The following FLII variants were observed in gnomAD, a reference collection of about 807,000 sequenced individuals.
FLII encodes FLII actin remodeling protein.
In FLII, 101 loss-of-function variants were observed where a neutral mutation model predicts 156.2. That is an observed-to-expected ratio of 0.65 (90% CI 0.55 to 0.76). The LOEUF (loss-of-function observed/expected upper bound fraction) is 0.76, where lower values mean the gene tolerates loss of function less well. Ranked by LOEUF, FLII falls within the 30% of genes least tolerant of loss-of-function variation. The pLI, the probability that FLII is intolerant of heterozygous loss-of-function variation, is 0.00. For missense variants in FLII, 1,675 were observed against 1,682.8 expected (o/e 1.00, Z 0.08); for synonymous variants, 767 against 685.8 (o/e 1.12, Z -1.85).
chr17:18,248,414 C>G, intron 18 of FLII, 136 bp downstream of exon 18: 1 of 764,134 alleles, frequency 1.3e-6, no homozygotes, highest in Admixed American at 2.9e-5. Flanking sequence ...CATACTGTTC[C>G]TTGTCCAGAA....
At chr17:18,246,494 C>T in intron 23 of FLII, 32 bp from the exon 24 acceptor site, 2 of 1,613,144 alleles carry the variant, frequency 1.2e-6, no homozygotes, top group Non-Finnish European at 1.7e-6. Context: ...GGGCAGCTCC[C>T]TGGACCCCCA....
rs1321501329 is a variant in FLII, at chr17:18,247,272, C to A, written c.2573G>T (p.Gly858Val). ...RNAEAVLQSPGLSGKVKRDAE... is the reference protein window; with the variant it reads ...RNAEAVLQSPVLSGKVKRDAE... ...GTCGCGTTTCACCTTCCCGGAGAGACCCGGGCTCTGCAGCACGGCCTCCGC... is the reference window on the plus strand; with the variant it reads ...GTCGCGTTTCACCTTCCCGGAGAGAACCGGGCTCTGCAGCACGGCCTCCGC... Residue 858 changes from glycine to valine, a missense_variant, in exon 21 of 30, where the codon GGT (glycine) becomes GTT (valine). Gly to Val is a moderately radical substitution (Grantham distance 109). This residue lies in a region of FLII where 1,332 missense variants were observed against 1,269.3 expected (regional missense o/e 1.05). Transcript: ENST00000327031. The A allele has an allele frequency of 1.9e-6, 3 of 1,612,476 alleles. No individual in the cohort carries two copies. Among genetic ancestry groups the A allele is most frequent in the Non-Finnish European group, 2.5e-6 (3 of 1,179,722 alleles).
intron 14 of FLII, among the ~76,000 whole-genome samples, chr17:18,250,492 G>C (rs561046362): frequency 6.6e-6 from 1 of 152,192 alleles, no homozygotes; most frequent in South Asian, 2.1e-4. Context: ...ACAGGTTTTG[G>C]CCCTGCCTTC....
At chr17:18,253,227 A>G (rs2071241) in intron 9 of FLII, 74 bp downstream of exon 9, 1,083,729 of 1,492,506 alleles carry the variant, frequency 0.73, 396,979 homozygotes, top group African/African-American at 0.89. Flanking sequence ...ACAGACCACA[A>G]GGTGGGCTCT....
chr17:18,252,290 G>T, intron 10 of FLII, 144 bp from the exon 11 acceptor site: 1 of 922,132 alleles, frequency 1.1e-6, no homozygotes. Context: ...TCTGGGGCTG[G>T]CTGGGGGCTT....
chr17:18,246,723 C>G lies in FLII; in HGVS notation c.2922G>C (p.Lys974Asn), dbSNP rs1469468762. ...GEEATAEAEE[K>N]QPEEDFQCIV... ...TGCACTGGAAGTCCTCCTCTGGCTG[C>G]TTCTCCTCTGCCTCAGCGGTTGCTT... The change falls in exon 23 of 30, where the codon AAG (lysine) becomes AAC (asparagine). Residue 974 changes from lysine (K) to asparagine (N), a missense_variant. Coordinates refer to ENST00000327031, the MANE Select transcript of FLII (RefSeq NM_002018.4). 1.2e-6 allele frequency: 2 copies of G among 1,613,352 alleles called. No individual in the cohort carries two copies. The highest frequency in any genetic ancestry group is 3.3e-5 in the Admixed American group (2 of 59,872).
rs369107173 is a variant in FLII, at chr17:18,254,048, G to A, written c.679+31C>T. ...AAGCAAGAGGGCCCAGAGGGGGCCC[G>A]AGCTCAGAGGGGCTCCTGGGGCTGC... On this transcript the variant is annotated intron_variant, in intron 7 of 29. Coordinates refer to ENST00000327031, the MANE Select transcript of FLII (RefSeq NM_002018.4). The A allele has an allele frequency of 1.7e-4, 270 of 1,558,844 alleles. 1 individual carries two copies. In the African/African-American group the frequency reaches 2.6e-3, roughly 15 times the overall value.
Position 18,251,455 on chromosome 17 carries a change from G to C in FLII, c.1406C>G (p.Pro469Arg), listed in dbSNP as rs770652454. Reference protein sequence around the residue: ...KQEESADARAPSGKVRRWDQG... With the variant: ...KQEESADARARSGKVRRWDQG... Reference sequence around the variant, plus strand: ...GTCCCAACGCCGCACCTTCCCGCTGGGGGCCCGGGCATCTGCGCTCTCCTG... The same window carrying C: ...GTCCCAACGCCGCACCTTCCCGCTGCGGGCCCGGGCATCTGCGCTCTCCTG... Residue 469 changes from proline to arginine, a missense_variant, in exon 13 of 30, where the codon CCC becomes CGC. Coordinates refer to ENST00000327031, the MANE Select transcript of FLII (RefSeq NM_002018.4). 21 of 1,608,222 alleles carry C rather than the reference G, an allele frequency of 1.3e-5. No homozygotes were observed. In the South Asian group the frequency reaches 2.1e-4, roughly 16 times the overall value.
At chr17:18,254,030 A>T (rs2048345513) in intron 7 of FLII, 49 bp downstream of exon 7, 1 of 1,407,402 alleles carries the variant, frequency 7.1e-7, no homozygotes, top group African/African-American at 1.4e-5. Flanking sequence ...AGGAAGCAAG[A>T]GGGCCCAGAG....
Position 18,251,589 on chromosome 17 carries a change from C to G in FLII, c.1383+91G>C, listed in dbSNP as rs78373492. 3 of 1,587,128 alleles carry G rather than the reference C, an allele frequency of 1.9e-6. No individual in the cohort carries two copies. In the African/African-American group the frequency reaches 4.0e-5, roughly 21 times the overall value. ...CACAGCTGTTCTTTCTGCCCAGCAC[C>G]CCCCGTCCCTCTTGGCCAGGGTCAA... is the stretch of plus-strand genomic sequence containing the variant. On this transcript the variant is annotated intron_variant, in intron 12 of 29. Transcript: ENST00000327031.
intron 23 of FLII, 41 bp downstream of exon 23, chr17:18,246,553 C>T: frequency 6.2e-7 from 1 of 1,612,432 alleles, no homozygotes; most frequent in South Asian, 1.1e-5. Context: ...CCCACCACAC[C>T]CCTCCGCCTG....
chr17:18,253,331 T>C lies in FLII; in HGVS notation c.983A>G (p.Asn328Ser), dbSNP rs571506611. ...NLEEFMAANN[N>S]LELVPESLCR... ...GAGACTTTCAGGGACCAGCTCCAGG[T>C]TGTTGTTGGCAGCCATGAACTCTTC... Residue 328 changes from asparagine to serine, a missense_variant, in exon 9 of 30, where the codon AAC becomes AGC. This residue lies in a region of FLII where 1,332 missense variants were observed against 1,269.3 expected (regional missense o/e 1.05). Transcript: ENST00000327031. The C allele has an allele frequency of 1.3e-4, 217 of 1,613,846 alleles. 1 individual carries two copies. In the South Asian group the frequency reaches 2.3e-3, roughly 17 times the overall value.
At chr17:18,253,185 GA>G (rs1017419401) in intron 9 of FLII, 115 bp downstream of exon 9, 2 of 1,023,288 alleles carry the variant, frequency 2.0e-6, no homozygotes, top group African/African-American at 3.3e-5. Context: ...AAGAAAAGGT[GA>G]ATTAACCCAT....
intron 25 of FLII, 40 bp from the exon 26 acceptor site, chr17:18,246,102 C>T (rs368808829): frequency 1.2e-6 from 2 of 1,614,140 alleles, no homozygotes; most frequent in Non-Finnish European, 1.7e-6. Context: ...GCAGCTGACT[C>T]AGCCCCCAAA....
intron 21 of FLII, 46 bp downstream of exon 21, chr17:18,247,123 G>GGGGCCCCC: frequency 8.0e-7 from 1 of 1,249,070 alleles, no homozygotes; most frequent in Non-Finnish European, 1.0e-6. Flanking sequence ...CCCTCGGCCT[G>GGGGCCCCC]CCCCCCACCC....
chr17:18,254,671 A>G lies in FLII; in HGVS notation c.425T>C (p.Ile142Thr). ...LNLSHNSIDT[I>T]PNQLFINLTD... ...GAGGTTGATGAAGAGCTGGTTGGGG[A>G]TGGTGTCGATGCTACGGGTGGGGAG... is the stretch of plus-strand genomic sequence containing the variant. Residue 142 changes from isoleucine to threonine, a missense_variant, in exon 6 of 30, where the codon ATC becomes ACC. By Grantham distance (89) the Ile-to-Thr change is moderately conservative. Around this residue, in one of 2 missense-constraint regions of FLII, gnomAD observed 343 missense variants for 413.5 expected, o/e 0.83. Transcript: ENST00000327031. 6.2e-7 allele frequency: 1 copy of G among 1,613,732 alleles called. No homozygotes were observed. The highest frequency in any genetic ancestry group is 8.5e-7 in the Non-Finnish European group (1 of 1,179,822).
rs1412789863 is a variant in FLII at position 18,246,922 on chromosome 17, A to G, written c.2807T>C (p.Phe936Ser). The G allele has an allele frequency of 5.0e-6, 8 of 1,613,988 alleles. No individual in the cohort carries two copies. In the South Asian group the frequency reaches 8.8e-5, roughly 18 times the overall value. The change falls in exon 22 of 30, where the codon TTC becomes TCC. Residue 936 changes from phenylalanine to serine, a missense_variant. Physicochemically the swap from Phe to Ser is radical, Grantham distance 155 (BLOSUM62 -2). Coordinates refer to ENST00000327031, the MANE Select transcript of FLII (RefSeq NM_002018.4). ...GHFYTQDCYV[F>S]LCRYWVPVEY... ...AGTGCTGAGGTGGTACCTGCAGAGGAAGACGTAGCAGTCCTGCGTGTAGAA... is the reference window on the plus strand; with the variant it reads ...AGTGCTGAGGTGGTACCTGCAGAGGGAGACGTAGCAGTCCTGCGTGTAGAA...
Position 18,254,743 on chromosome 17 carries a change from C to G in FLII, c.413+26G>C, listed in dbSNP as rs768546237. ...CCAGCCACCCCACAGGGCCCACCTG[C>G]CCCCTGCCCCCCACTGGCCTGGCAC... On this transcript the variant is annotated intron_variant, in intron 5 of 29. Transcript: ENST00000327031. 4 of 1,613,466 alleles carry G rather than the reference C, an allele frequency of 2.5e-6. No individual in the cohort carries two copies. The South Asian group carries it at 4.4e-5, about 18-fold the overall frequency.
chr17:18,250,356 G>T (rs545666094), intron 14 of FLII, among the ~76,000 whole-genome samples: 2 of 152,258 alleles, frequency 1.3e-5, no homozygotes, highest in South Asian at 4.1e-4. Flanking sequence ...GTGTGTACAT[G>T]CGAACATATG....
Sources: allele counts gnomAD v4.1 joint callset (sites outside exome capture counted in the v4.1 genomes callset), GRCh38; gene constraint gnomAD v4.1.1; regional missense constraint gnomAD v4.1.1; transcripts MANE v1.5; gene names NCBI Gene and HGNC (gene_info 2026-07-23, HGNC 2026-07-21).